AGMO: variants seen among roughly 807,000 people sequenced by gnomAD.
AGMO encodes alkylglycerol monooxygenase.
In AGMO, 75 loss-of-function variants were observed where a neutral mutation model predicts 60.2. That is an observed-to-expected ratio of 1.25 (90% CI 1.03 to 1.51). AGMO has a LOEUF of 1.51. Ranked by LOEUF, AGMO falls within the 40% of genes most tolerant of loss-of-function variation. The pLI, the probability that AGMO is intolerant of heterozygous loss-of-function variation, is 0.00. For missense variants in AGMO, 763 were observed against 525.5 expected (o/e 1.45, Z -4.42); for synonymous variants, 261 against 177.1 (o/e 1.47, Z -3.76).
intron 12 of AGMO, among the ~76,000 whole-genome samples, chr7:15,282,588 G>A (rs1009650636): frequency 6.6e-6 from 1 of 152,108 alleles, no homozygotes. Context: ...TATTTAAAAT[G>A]GCCAGACCTA....
intron 12 of AGMO, among the ~76,000 whole-genome samples, chr7:15,305,875 A>C (rs1780599895): frequency 6.6e-6 from 1 of 152,062 alleles, no homozygotes; most frequent in Non-Finnish European, 1.5e-5. Context: ...CTATGGGTAC[A>C]TGAACGAACC....
intron 12 of AGMO, among the ~76,000 whole-genome samples, chr7:15,272,512 C>G (rs1364030559): frequency 6.6e-6 from 1 of 152,052 alleles, no homozygotes; most frequent in Non-Finnish European, 1.5e-5. Context: ...GCCTCATTTT[C>G]TTAATCCAGT....
chr7:15,219,493 ATT>A (rs568542336), intron 12 of AGMO, among the ~76,000 whole-genome samples: 75 of 149,886 alleles, frequency 5.0e-4, no homozygotes, highest in African/African-American at 1.7e-3. Context: ...AAAAAAGACA[ATT>A]TTTTTTTTTA....
At chr7:15,223,833 C>T (rs930874244) in intron 12 of AGMO, among the ~76,000 whole-genome samples, 4 of 151,808 alleles carry the variant, frequency 2.6e-5, no homozygotes, top group African/African-American at 9.7e-5. Context: ...TTGATCTATA[C>T]AATTAATTAA....
intron 5 of AGMO, among the ~76,000 whole-genome samples, chr7:15,411,345 T>C (rs1780598823): frequency 6.6e-6 from 1 of 151,688 alleles, no homozygotes; most frequent in South Asian, 2.1e-4. Context: ...ATAATCCTCA[T>C]TACACACAGG....
the AGMO span, among the ~76,000 whole-genome samples, chr7:15,183,619 GA>G: frequency 6.6e-5 from 10 of 152,086 alleles, no homozygotes; most frequent in Non-Finnish European, 1.5e-4. Context: ...TTGACTTGTA[GA>G]AAGTTGCTTA....
chr7:15,161,177 G>C, the AGMO span, among the ~76,000 whole-genome samples: 1 of 152,096 alleles, frequency 6.6e-6, no homozygotes, highest in Admixed American at 6.6e-5. Context: ...TCCAACAAAT[G>C]CTTTTGAGGG....
intron 12 of AGMO, among the ~76,000 whole-genome samples, chr7:15,335,194 G>A (rs187764418): frequency 1.4e-3 from 206 of 152,226 alleles, no homozygotes; most frequent in African/African-American, 4.5e-3. Context: ...GTTTTCAGTG[G>A]GTTAGGATTA....
At chr7:15,265,067 G>C (rs1387210028) in intron 12 of AGMO, among the ~76,000 whole-genome samples, 1 of 152,094 alleles carries the variant, frequency 6.6e-6, no homozygotes, top group Middle Eastern at 3.2e-3. Context: ...AAAAGAAAAT[G>C]TGATATGTAT....
At chr7:15,403,547 A>T (rs1333640948) in intron 5 of AGMO, among the ~76,000 whole-genome samples, 1 of 152,034 alleles carries the variant, frequency 6.6e-6, no homozygotes, top group Non-Finnish European at 1.5e-5. Context: ...TTGAATATAC[A>T]TAAAAATATG....
intron 3 of AGMO, among the ~76,000 whole-genome samples, chr7:15,485,723 G>A (rs1782903799): frequency 6.6e-6 from 1 of 151,904 alleles, no homozygotes; most frequent in Non-Finnish European, 1.5e-5. Flanking sequence ...TCTTAGCACG[G>A]TGCCCTGTTG....
Position 15,322,854 on chromosome 7 carries a change from T to G in AGMO, c.1263+42660A>C, listed in dbSNP as rs1166868324. Among the ~76,000 whole-genome samples, 5 of 143,992 alleles carry G rather than the reference T, an allele frequency of 3.5e-5. No individual in the cohort carries two copies. The East Asian group carries it at 1.0e-3, about 29-fold the overall frequency. 94.5% of individuals were successfully genotyped at this position (143,992 alleles called of 152,430 possible). On this transcript the variant is annotated intron_variant, in intron 12 of 12. Coordinates refer to ENST00000342526, the MANE Select transcript of AGMO (RefSeq NM_001004320.2). ...TAGCACAAAATTATAAAAAAAAATG[T>G]GACACATAACACAAAATTATCAAAA...
In AGMO at chr7:15,469,763, G is replaced by A. The variant is rs114647674; in HGVS notation, c.410-38655C>T. ...GAGAATACATAAGGAAAGCCAGGAA[G>A]GAAGAAGTTTCCATCTTAACACAAG... On this transcript the variant is annotated intron_variant, in intron 3 of 12. Coordinates refer to ENST00000342526, the MANE Select transcript of AGMO (RefSeq NM_001004320.2). Among the ~76,000 whole-genome samples the A allele has an allele frequency of 9.9e-3, 1,507 of 152,162 alleles. 29 individuals carry two copies. Among genetic ancestry groups the A allele is most frequent in the African/African-American group, 0.034 (1,429 of 41,526 alleles).
chr7:15,382,725 T>G (rs1003727594), intron 10 of AGMO, among the ~76,000 whole-genome samples: 1 of 152,282 alleles, frequency 6.6e-6, no homozygotes, highest in East Asian at 1.9e-4. Context: ...CTGGAAACAC[T>G]TGCCATATTC....
At chr7:15,134,597 G>A in the AGMO span, among the ~76,000 whole-genome samples, 6 of 152,094 alleles carry the variant, frequency 3.9e-5, no homozygotes, top group Admixed American at 2.6e-4. Context: ...GATATTGACT[G>A]CCAGCTCCAT....
chr7:15,130,144 T>TA, the AGMO span, among the ~76,000 whole-genome samples: 25 of 152,096 alleles, frequency 1.6e-4, no homozygotes, highest in Non-Finnish European at 3.5e-4. Context: ...ATAGTTAGCA[T>TA]AAAATATATT....
chr7:15,556,820 T>G (rs532351487), intron 2 of AGMO, among the ~76,000 whole-genome samples: 1 of 152,182 alleles, frequency 6.6e-6, no homozygotes, highest in Non-Finnish European at 1.5e-5. Flanking sequence ...CATGATACAC[T>G]GTGTTTATCT....
the AGMO span, among the ~76,000 whole-genome samples, chr7:15,134,314 C>T: frequency 2.6e-5 from 4 of 152,104 alleles, no homozygotes; most frequent in African/African-American, 9.7e-5. Flanking sequence ...AGGTGTGCAC[C>T]ATGCACCACC....
intron 12 of AGMO, among the ~76,000 whole-genome samples, chr7:15,228,490 T>C (rs537344416): frequency 6.6e-6 from 1 of 152,160 alleles, no homozygotes; most frequent in East Asian, 1.9e-4. Flanking sequence ...GGAGAAATAG[T>C]TGTGAAGGAG....
Sources: allele counts gnomAD v4.1 joint callset (sites outside exome capture counted in the v4.1 genomes callset), GRCh38; gene constraint gnomAD v4.1.1; transcripts MANE v1.5; gene names NCBI Gene and HGNC (gene_info 2026-07-23, HGNC 2026-07-21).